CPQ: variants seen among roughly 807,000 people sequenced by gnomAD.
CPQ encodes the protein Ser-Met dipeptidase.
CPQ carries 37 observed loss-of-function variants against 45.7 expected under a neutral mutation model. That is an observed-to-expected ratio of 0.81 (90% CI 0.62 to 1.07). CPQ has a LOEUF of 1.07. Ranked by LOEUF, CPQ falls within the 50% of genes least tolerant of loss-of-function variation. CPQ has a pLI of 0.00. For missense variants in CPQ, 537 were observed against 572.9 expected (o/e 0.94, Z 0.64); for synonymous variants, 186 against 205.8 (o/e 0.90, Z 0.82).
At chr8:96,746,614 C>T (rs981525602) in intron 1 of CPQ, among the ~76,000 whole-genome samples, 5 of 152,152 alleles carry the variant, frequency 3.3e-5, no homozygotes, top group African/African-American at 4.8e-5. Context: ...TATTTCTTCC[C>T]GGAGCTTTCA....
At chr8:96,769,542 ACATCCTCTTTGGATTTCCGCATAG>A (rs1810512874) in intron 1 of CPQ, among the ~76,000 whole-genome samples, 1 of 152,022 alleles carries the variant, frequency 6.6e-6, no homozygotes, top group African/African-American at 2.4e-5. Flanking sequence ...GAGCTGTCTT[ACATCCTCTTTGGATTTCCGCATAG>A]ATTTTGCAAG....
chr8:96,768,729 C>T (rs1416133289), intron 1 of CPQ, among the ~76,000 whole-genome samples: 1 of 152,142 alleles, frequency 6.6e-6, no homozygotes, highest in African/African-American at 2.4e-5. Flanking sequence ...AAGTGACTTG[C>T]TGAACAGGAC....
At chr8:96,967,756 T>C (rs183777055) in intron 5 of CPQ, among the ~76,000 whole-genome samples, 1 of 152,338 alleles carries the variant, frequency 6.6e-6, no homozygotes, top group African/African-American at 2.4e-5. Context: ...CACCATAGTA[T>C]ACTGTTAAAA....
At chr8:96,974,379 C>G (rs187988680) in intron 5 of CPQ, among the ~76,000 whole-genome samples, 40 of 152,258 alleles carry the variant, frequency 2.6e-4, no homozygotes, top group African/African-American at 9.4e-4. Flanking sequence ...GAAACAATTA[C>G]TATTAGACCT....
At chr8:96,746,920 A>T (rs956132878) in intron 1 of CPQ, among the ~76,000 whole-genome samples, 3 of 152,200 alleles carry the variant, frequency 2.0e-5, no homozygotes, top group Non-Finnish European at 4.4e-5. Context: ...TGTGCGTTCC[A>T]AAATATTTCC....
intron 3 of CPQ, among the ~76,000 whole-genome samples, chr8:96,854,255 G>A (rs142480934): frequency 1.5e-3 from 229 of 152,106 alleles, no homozygotes; most frequent in African/African-American, 5.3e-3. Context: ...ATGTGGGCCG[G>A]GCGCGGTGGC....
At chr8:96,663,558 G>A (rs1241528395) in intron 1 of CPQ, among the ~76,000 whole-genome samples, 1 of 152,222 alleles carries the variant, frequency 6.6e-6, no homozygotes, top group African/African-American at 2.4e-5. Context: ...TCCAGGCTGT[G>A]AGCACTTTTC....
chr8:96,840,177 ACT>A (rs763464127), intron 3 of CPQ, among the ~76,000 whole-genome samples: 7 of 152,044 alleles, frequency 4.6e-5, no homozygotes, highest in Non-Finnish European at 1.0e-4. Flanking sequence ...AGGTGGAAAG[ACT>A]CTCTGTAAAT....
chr8:96,789,128 A>G (rs925275400), intron 2 of CPQ, among the ~76,000 whole-genome samples: 1 of 152,090 alleles, frequency 6.6e-6, no homozygotes, highest in African/African-American at 2.4e-5. Context: ...GCTATATCCT[A>G]CATCTGGGCC....
chr8:96,750,151 A>G (rs930990801), intron 1 of CPQ, among the ~76,000 whole-genome samples: 116 of 151,920 alleles, frequency 7.6e-4, no homozygotes, highest in African/African-American at 2.6e-3. Flanking sequence ...TTTTATATAT[A>G]CACACACATA....
At chr8:97,102,662 G>A (rs1728564676) in intron 7 of CPQ, among the ~76,000 whole-genome samples, 1 of 152,048 alleles carries the variant, frequency 6.6e-6, no homozygotes, top group Non-Finnish European at 1.5e-5. Flanking sequence ...TTTTTCATCT[G>A]TAAAATGAGA....
At chr8:96,922,820 A>G (rs548564742) in intron 4 of CPQ, among the ~76,000 whole-genome samples, 34 of 152,350 alleles carry the variant, frequency 2.2e-4, no homozygotes, top group Admixed American at 1.9e-3. Context: ...TACACAGGTT[A>G]TAATATACTT....
At chr8:96,931,272 A>G (rs1812971289) in intron 4 of CPQ, among the ~76,000 whole-genome samples, 1 of 152,078 alleles carries the variant, frequency 6.6e-6, no homozygotes, top group Non-Finnish European at 1.5e-5. Context: ...CTTTCCATTT[A>G]CTTCCCTTTA....
intron 5 of CPQ, among the ~76,000 whole-genome samples, chr8:96,984,790 G>C (rs944882873): frequency 1.3e-5 from 2 of 152,126 alleles, no homozygotes; most frequent in African/African-American, 4.8e-5. Flanking sequence ...CTAATTATAG[G>C]TTTATTGTGA....
At chr8:96,821,276 G>C (rs1455886725) in intron 2 of CPQ, among the ~76,000 whole-genome samples, 2 of 151,590 alleles carry the variant, frequency 1.3e-5, no homozygotes, top group Non-Finnish European at 2.9e-5. Flanking sequence ...TTGCTGTGCA[G>C]AAGCTTTTTA....
intron 1 of CPQ, among the ~76,000 whole-genome samples, chr8:96,694,797 G>A (rs367584307): frequency 5.9e-5 from 9 of 152,254 alleles, no homozygotes; most frequent in African/African-American, 2.2e-4. Flanking sequence ...ATGTGTATAA[G>A]CAGCTACATA....
chr8:96,660,573 G>A (rs905672713), intron 1 of CPQ, among the ~76,000 whole-genome samples: 8 of 151,996 alleles, frequency 5.3e-5, no homozygotes, highest in African/African-American at 1.9e-4. Flanking sequence ...TGATTTGGGG[G>A]TCTCACCCAA....
At chr8:96,937,628 C>G (rs549002140) in intron 4 of CPQ, among the ~76,000 whole-genome samples, 2 of 152,242 alleles carry the variant, frequency 1.3e-5, no homozygotes, top group South Asian at 2.1e-4. Context: ...TCAGCCTGCA[C>G]AGGGCTTGGG....
At chr8:96,869,771 G>T (rs554631180) in intron 3 of CPQ, among the ~76,000 whole-genome samples, 9 of 152,066 alleles carry the variant, frequency 5.9e-5, no homozygotes, top group Non-Finnish European at 1.3e-4. Context: ...GATTGGGCCA[G>T]CAATCTGTTT....
Sources: allele counts gnomAD v4.1 joint callset (sites outside exome capture counted in the v4.1 genomes callset), GRCh38; gene constraint gnomAD v4.1.1; transcripts MANE v1.5; gene names NCBI Gene and HGNC (gene_info 2026-07-23, HGNC 2026-07-21).